The following DCAF10 variants were observed in gnomAD, a reference collection of about 807,000 sequenced individuals.
DCAF10 encodes the protein DDB1- and CUL4-associated factor 10.
DCAF10 carries 19 observed loss-of-function variants against 51.9 expected under a neutral mutation model. That is an observed-to-expected ratio of 0.37 (90% CI 0.26 to 0.54). The LOEUF (loss-of-function observed/expected upper bound fraction) is 0.54. Among genes scored for constraint, DCAF10 ranks in the 20% least tolerant of loss-of-function variants. The pLI is 0.87. For missense variants in DCAF10, 510 were observed against 730.6 expected (o/e 0.70, Z 3.48); for synonymous variants, 291 against 297.1 (o/e 0.98, Z 0.21).
chr9:37,800,896 A>G lies in DCAF10; in HGVS notation c.30A>G (p.Gly10=). The G allele has an allele frequency of 6.7e-7, 1 of 1,498,456 alleles. No individual in the cohort carries two copies. 92.8% of individuals were successfully genotyped at this position (1,498,456 alleles called of 1,614,324 possible). MFPFGPHSP[G]GDGSAGAGAE... is the part of the protein sequence containing the mutation. ...TTCCCTTTGGGCCCCATAGCCCTGG[A>G]GGGGACGGATCGGCCGGAGCCGGGG... is the stretch of plus-strand genomic sequence containing the variant. Residue 10 remains glycine (G), a synonymous_variant, in exon 1 of 7, where the codon GGA becomes GGG. Transcript: ENST00000377724.
At chr9:37,841,279 T>A (rs1015056890) in intron 2 of DCAF10, among the ~76,000 whole-genome samples, 2 of 152,166 alleles carry the variant, frequency 1.3e-5, no homozygotes, top group South Asian at 2.1e-4. Flanking sequence ...TTTCTGACAA[T>A]TATATGTAAA....
At chr9:37,804,200 G>A (rs1013059119) in intron 1 of DCAF10, among the ~76,000 whole-genome samples, 1 of 151,248 alleles carries the variant, frequency 6.6e-6, no homozygotes, top group South Asian at 2.1e-4. Context: ...TAGTAACACA[G>A]AGCATAGAGA....
chr9:37,825,905 C>T (rs952143134), intron 2 of DCAF10, among the ~76,000 whole-genome samples: 2 of 151,826 alleles, frequency 1.3e-5, no homozygotes, highest in Admixed American at 6.6e-5. Context: ...CTTGGTGGCG[C>T]GTGCCTGTAA....
intron 3 of DCAF10, among the ~76,000 whole-genome samples, chr9:37,844,409 G>A (rs781680199): frequency 2.6e-5 from 4 of 152,184 alleles, no homozygotes; most frequent in Non-Finnish European, 5.9e-5. Flanking sequence ...CCAGCACTTC[G>A]GAAGGCCGAG....
intron 5 of DCAF10, among the ~76,000 whole-genome samples, chr9:37,859,787 C>T (rs1341041930): frequency 6.6e-6 from 1 of 152,116 alleles, no homozygotes; most frequent in Non-Finnish European, 1.5e-5. Flanking sequence ...AGCTTCTATG[C>T]CTTAGCCTTA....
chr9:37,850,952 C>T (rs551375517), intron 3 of DCAF10, among the ~76,000 whole-genome samples: 1 of 147,314 alleles, frequency 6.8e-6, no homozygotes, highest in Non-Finnish European at 1.5e-5. Context: ...TAAAAAAACT[C>T]ATTTTTTTAG....
Position 37,815,553 on chromosome 9 carries a change from G to A in DCAF10, c.540-3735G>A, listed in dbSNP as rs572485578. On this transcript the variant is annotated intron_variant, in intron 1 of 6. Transcript: ENST00000377724. ...CCAGCTACCCAGGAGGCTGCGGCAG[G>A]AGAATCACTTGAACCCGGGAGGCGG... Among the ~76,000 whole-genome samples, 6 of 152,178 alleles carry A rather than the reference G, an allele frequency of 3.9e-5. No individual in the cohort carries two copies. The South Asian group carries it at 1.2e-3, about 32-fold the overall frequency.
intron 1 of DCAF10, among the ~76,000 whole-genome samples, chr9:37,817,094 G>C (rs1041650250): frequency 6.6e-6 from 1 of 152,154 alleles, no homozygotes; most frequent in African/African-American, 2.4e-5. Context: ...ATGTAGTGAA[G>C]ATGGCATTAT....
chr9:37,823,685 T>G (rs1200227593), intron 2 of DCAF10, among the ~76,000 whole-genome samples: 1 of 152,062 alleles, frequency 6.6e-6, no homozygotes, highest in Non-Finnish European at 1.5e-5. Context: ...CATATGTAAT[T>G]TTTAATTTTA....
chr9:37,817,392 G>A (rs1402578920), intron 1 of DCAF10, among the ~76,000 whole-genome samples: 4 of 151,994 alleles, frequency 2.6e-5, no homozygotes. Context: ...ATCACTTGAG[G>A]TTTGAGACCA....
intron 2 of DCAF10, among the ~76,000 whole-genome samples, chr9:37,841,702 C>T (rs965277687): frequency 8.5e-5 from 13 of 152,160 alleles, no homozygotes; most frequent in African/African-American, 2.9e-4. Context: ...GTGTCCCTCT[C>T]GGCAATCAAG....
chr9:37,853,671 A>C (rs1299842273), intron 3 of DCAF10, among the ~76,000 whole-genome samples: 1 of 152,048 alleles, frequency 6.6e-6, no homozygotes, highest in East Asian at 1.9e-4. Flanking sequence ...CAGTGGCGCA[A>C]TCATGGCTCA....
chr9:37,808,195 A>G (rs1829181691), intron 1 of DCAF10, among the ~76,000 whole-genome samples: 1 of 151,798 alleles, frequency 6.6e-6, no homozygotes, highest in Non-Finnish European at 1.5e-5. Context: ...ACACTTTGGG[A>G]GGCTGAGGCA....
intron 4 of DCAF10, 121 bp downstream of exon 4, chr9:37,855,103 C>A (rs901508759): frequency 4.6e-6 from 4 of 862,506 alleles, no homozygotes; most frequent in Admixed American, 2.9e-5. Context: ...AAAAGGCATT[C>A]TTTAGAAAGC....
At chr9:37,805,493 T>C (rs953355520) in intron 1 of DCAF10, among the ~76,000 whole-genome samples, 2 of 151,970 alleles carry the variant, frequency 1.3e-5, no homozygotes, top group African/African-American at 4.8e-5. Context: ...CAAAGTAAAA[T>C]AAAAATAAAT....
intron 4 of DCAF10, 89 bp downstream of exon 4, chr9:37,855,071 G>A (rs1830807712): frequency 1.6e-6 from 2 of 1,262,914 alleles, no homozygotes; most frequent in Non-Finnish European, 1.1e-6. Flanking sequence ...AATGATAGCA[G>A]GAAAAGGGAA....
At chr9:37,826,681 C>A (rs550958772) in intron 2 of DCAF10, among the ~76,000 whole-genome samples, 1 of 152,046 alleles carries the variant, frequency 6.6e-6, no homozygotes, top group South Asian at 2.1e-4. Flanking sequence ...CAATGGGAAC[C>A]CAGATTAGAT....
chr9:37,837,743 G>A (rs1292315627), intron 2 of DCAF10, among the ~76,000 whole-genome samples: 1 of 151,644 alleles, frequency 6.6e-6, no homozygotes, highest in African/African-American at 2.4e-5. Flanking sequence ...CTTTGGAGTA[G>A]TTATGACTTC....
chr9:37,801,376 C>T lies in DCAF10; in HGVS notation c.510C>T (p.Ala170=), dbSNP rs1404965870. Residue 170 remains alanine (A), a synonymous_variant, in exon 1 of 7, where the codon GCC becomes GCT. Transcript: ENST00000377724. This position sits in a 1 kb window ranked among gnomAD's most constrained non-coding sequence, Gnocchi z 5.5. The stretch of plus-strand genomic sequence containing the variant: ...ACCTCAGCACCCGCACCCACGGCGC[C>T]GTCTTCAACCTCGAGTACTCGCCCG... ...SVYLSTRTHG[A]VFNLEYSPDG... is the part of the protein sequence containing the mutation. 1 of 1,539,842 alleles carries T rather than the reference C, an allele frequency of 6.5e-7. No individual in the cohort carries two copies.
Sources: allele counts gnomAD v4.1 joint callset (sites outside exome capture counted in the v4.1 genomes callset), GRCh38; gene constraint gnomAD v4.1.1; non-coding constraint Gnocchi (gnomAD v3.1); transcripts MANE v1.5; gene names NCBI Gene and HGNC (gene_info 2026-07-23, HGNC 2026-07-21).